Variants in IQCJ observed in about 807,000 individuals in gnomAD.
The protein encoded by IQCJ is IQ motif containing J.
IQCJ carries 9 observed loss-of-function variants against 11.0 expected under a neutral mutation model. The observed-to-expected ratio is 0.82, with a 90% CI of 0.49 to 1.43. IQCJ has a LOEUF of 1.43. Among genes scored for constraint, IQCJ ranks in the 40% most tolerant of loss-of-function variants. The pLI is 0.00. For synonymous variants in IQCJ, 55 were observed against 51.3 expected (o/e 1.07, Z -0.31); for missense variants, 146 against 133.2 (o/e 1.10, Z -0.47).
chr3:159,261,983 G>A (rs1728237580), intron 3 of IQCJ, among the ~76,000 whole-genome samples: 1 of 152,112 alleles, frequency 6.6e-6, no homozygotes. Flanking sequence ...CCTGCCTTGT[G>A]CCCCACAGCA....
chr3:159,258,827 C>T (rs1344108660), intron 3 of IQCJ, among the ~76,000 whole-genome samples: 1 of 152,228 alleles, frequency 6.6e-6, no homozygotes, highest in Non-Finnish European at 1.5e-5. Flanking sequence ...CTGTGCCCCA[C>T]TGCACAGTCT....
At position 159,262,746 on chromosome 3, in the gene IQCJ, G is replaced by A. The variant is rs376824973; in HGVS notation, c.*15G>A. 2.1e-4 allele frequency: 333 copies of A among 1,606,536 alleles called. No homozygotes were observed. The highest frequency in any genetic ancestry group is 2.7e-4 in the Non-Finnish European group (322 of 1,174,458). The stretch of plus-strand genomic sequence containing the variant: ...CATTCAACTGAAAGCCTAGACTTTG[G>A]TTCTAAGAGAGAAATCTTGGGATGT... On this transcript the variant is annotated 3_prime_UTR_variant, in exon 4 of 4. Transcript: ENST00000397832.
chr3:159,155,865 T>C (rs994622576), intron 1 of IQCJ, among the ~76,000 whole-genome samples: 2 of 152,230 alleles, frequency 1.3e-5, no homozygotes, highest in Non-Finnish European at 2.9e-5. Flanking sequence ...CATATTACCA[T>C]GTTATGTAGC....
At chr3:159,165,788 A>ATTTTTTTTTTT (rs35878681) in intron 1 of IQCJ, among the ~76,000 whole-genome samples, 2 of 106,522 alleles carry the variant, frequency 1.9e-5, no homozygotes, top group African/African-American at 3.6e-5. Context: ...TAATTTTTGT[A>ATTTTTTTTTTT]TTTTTTTTTT....
chr3:159,125,251 C>T (rs1339464085), intron 1 of IQCJ, among the ~76,000 whole-genome samples: 2 of 152,140 alleles, frequency 1.3e-5, no homozygotes, highest in Admixed American at 1.3e-4. Context: ...AATTCCGAGA[C>T]ATTCTACAAA....
intron 1 of IQCJ, among the ~76,000 whole-genome samples, chr3:159,157,341 A>G (rs963898707): frequency 1.3e-5 from 2 of 152,124 alleles, no homozygotes; most frequent in African/African-American, 4.8e-5. Flanking sequence ...AAATAAATGT[A>G]TTTATAAGTG....
In IQCJ at chr3:159,174,827, A is replaced by G. The variant is rs190227098; in HGVS notation, c.10-71016A>G. ...TTTCTTAGCCATGTTATTGAGATAA[A>G]TGATAATGCATATGTCATACATTCT... On this transcript the variant is annotated intron_variant, in intron 1 of 3. Coordinates refer to ENST00000397832, the MANE Select transcript of IQCJ (RefSeq NM_001042706.3). Among the ~76,000 whole-genome samples the G allele has an allele frequency of 2.0e-5, 3 of 152,268 alleles. No homozygotes were observed. The East Asian group carries it at 5.8e-4, about 29-fold the overall frequency.
chr3:159,084,278 G>C (rs1391020441), intron 1 of IQCJ, among the ~76,000 whole-genome samples: 1 of 151,750 alleles, frequency 6.6e-6, no homozygotes, highest in Non-Finnish European at 1.5e-5. Context: ...AAAAATGAGT[G>C]TACTAAAAGA....
At chr3:159,225,197 G>A (rs987864287) in intron 1 of IQCJ, among the ~76,000 whole-genome samples, 5 of 152,080 alleles carry the variant, frequency 3.3e-5, no homozygotes, top group African/African-American at 1.2e-4. Context: ...TCCATACCAT[G>A]GAATACAACT....
At chr3:159,150,078 A>T (rs1173644959) in intron 1 of IQCJ, among the ~76,000 whole-genome samples, 1 of 152,052 alleles carries the variant, frequency 6.6e-6, no homozygotes, top group East Asian at 1.9e-4. Context: ...TTGAACTTAG[A>T]TTAGTGCTCA....
At chr3:159,206,920 G>C (rs1164749346) in intron 1 of IQCJ, among the ~76,000 whole-genome samples, 1 of 152,108 alleles carries the variant, frequency 6.6e-6, no homozygotes, top group Non-Finnish European at 1.5e-5. Context: ...TTTGAAGTTT[G>C]AAAGGTACTG....
chr3:159,253,908 A>G (rs925769705), intron 3 of IQCJ, among the ~76,000 whole-genome samples: 1 of 152,222 alleles, frequency 6.6e-6, no homozygotes, highest in Non-Finnish European at 1.5e-5. Context: ...CTGTAAATCT[A>G]TGTTAACCTT....
At chr3:159,150,779 A>G (rs1289010777) in intron 1 of IQCJ, among the ~76,000 whole-genome samples, 2 of 152,116 alleles carry the variant, frequency 1.3e-5, no homozygotes, top group Non-Finnish European at 2.9e-5. Flanking sequence ...AGACTGCCCC[A>G]TCCTGAGTTT....
intron 1 of IQCJ, among the ~76,000 whole-genome samples, chr3:159,245,561 A>G (rs978458572): frequency 2.8e-5 from 4 of 145,188 alleles, no homozygotes; most frequent in African/African-American, 1.0e-4. Flanking sequence ...TCCTGGGTTC[A>G]CGCCATTCTC....
At chr3:159,069,629 G>A (rs1227328602) in intron 1 of IQCJ, 188 bp downstream of exon 1, 3 of 734,282 alleles carry the variant, frequency 4.1e-6, no homozygotes, top group Non-Finnish European at 6.5e-6. Flanking sequence ...GTAGGCATGT[G>A]TGCATAAATA....
intron 1 of IQCJ, among the ~76,000 whole-genome samples, chr3:159,137,312 G>A (rs917646797): frequency 1.1e-4 from 16 of 151,434 alleles, no homozygotes; most frequent in African/African-American, 3.9e-4. Flanking sequence ...TCCTTCACAT[G>A]ATTCACATTT....
chr3:159,169,957 C>A (rs1560012050), intron 1 of IQCJ, among the ~76,000 whole-genome samples: 1 of 152,138 alleles, frequency 6.6e-6, no homozygotes, highest in Non-Finnish European at 1.5e-5. Context: ...AGCAGATTGT[C>A]TTCCACCCAT....
At chr3:159,209,516 C>T (rs1183110917) in intron 1 of IQCJ, among the ~76,000 whole-genome samples, 1 of 152,152 alleles carries the variant, frequency 6.6e-6, no homozygotes, top group African/African-American at 2.4e-5. Flanking sequence ...GTCACCCTGA[C>T]CCTCCACTGA....
intron 1 of IQCJ, among the ~76,000 whole-genome samples, chr3:159,190,067 T>G (rs1211472369): frequency 6.6e-6 from 1 of 152,176 alleles, no homozygotes; most frequent in Non-Finnish European, 1.5e-5. Context: ...GCATGGAGGA[T>G]AGATACAGTT....
Sources: allele counts gnomAD v4.1 joint callset (sites outside exome capture counted in the v4.1 genomes callset), GRCh38; gene constraint gnomAD v4.1.1; transcripts MANE v1.5; gene names NCBI Gene and HGNC (gene_info 2026-07-23, HGNC 2026-07-21).